The following AATK variants were observed in gnomAD, a reference collection of about 807,000 sequenced individuals.
AATK encodes lemur tail kinase 1, also known as serine/threonine-protein kinase LMTK1.
A neutral mutation model predicts 114.3 loss-of-function variants in AATK; 91 were observed. The ratio of observed to expected loss-of-function variants is 0.80; its 90% confidence interval spans 0.67 to 0.95. The LOEUF (loss-of-function observed/expected upper bound fraction) is 0.95, where lower values mean the gene tolerates loss of function less well. Ranked by LOEUF, AATK falls within the 40% of genes least tolerant of loss-of-function variation. AATK has a pLI of 0.00. For synonymous variants in AATK, 1,075 were observed against 916.5 expected (o/e 1.17, Z -3.12); for missense variants, 2,176 against 1,965.2 (o/e 1.11, Z -2.03).
rs757681156 is a variant in AATK, at chr17:81,119,468, A to AGTGG, written c.3995_3996insCCAC (p.Pro1333HisfsTer23). On this transcript the variant is annotated frameshift_variant, in exon 13 of 14. Transcript: ENST00000326724. LOFTEE classifies it high-confidence loss of function. ...GCGACACCGTGAAGCGCGAGAAGGGAGCGGGCGTGGGCGTGGGCGCAGCCG... is the reference window on the plus strand; with the variant it reads ...GCGACACCGTGAAGCGCGAGAAGGGAGTGGGCGGGCGTGGGCGTGGGCGCAGCCG... 80 of 1,475,628 alleles carry AGTGG rather than the reference A, an allele frequency of 5.4e-5. No homozygotes were observed. The highest frequency in any genetic ancestry group is 3.6e-4 in the Middle Eastern group (2 of 5,514). 91.4% of individuals were successfully genotyped at this position (1,475,628 alleles called of 1,614,324 possible). A position where few individuals can be genotyped will look rare whatever the true frequency, so the allele number is the denominator to read the frequency against.
intron 1 of AATK, among the ~76,000 whole-genome samples, chr17:81,155,097 A>G (rs1177916301): frequency 6.6e-6 from 1 of 152,184 alleles, no homozygotes; most frequent in Non-Finnish European, 1.5e-5. Context: ...GATGTGCATC[A>G]CCACGGCGCT....
chr17:81,161,208 A>C (rs2061426096), intron 1 of AATK, among the ~76,000 whole-genome samples: 1 of 152,090 alleles, frequency 6.6e-6, no homozygotes, highest in Admixed American at 6.5e-5. Context: ...ACAGTGGAGG[A>C]GGAAAGCACG....
intron 9 of AATK, among the ~76,000 whole-genome samples, chr17:81,123,889 T>C (rs2060741417): frequency 6.6e-6 from 1 of 152,126 alleles, no homozygotes; most frequent in Non-Finnish European, 1.5e-5. Context: ...CTTTGGTCCC[T>C]GGCTGTCCCA....
At chr17:81,165,014 C>T (rs1335921514) in intron 1 of AATK, among the ~76,000 whole-genome samples, 4 of 152,228 alleles carry the variant, frequency 2.6e-5, no homozygotes, top group Admixed American at 2.0e-4. Context: ...CAGGAGATCA[C>T]GTCACATGCA....
chr17:81,149,822 C>T (rs1304024299), intron 1 of AATK, among the ~76,000 whole-genome samples: 4 of 152,188 alleles, frequency 2.6e-5, no homozygotes. Context: ...GCAGTCAGCC[C>T]CCATCAGCCC....
At chr17:81,161,529 G>T (rs1446599201) in intron 1 of AATK, among the ~76,000 whole-genome samples, 1 of 152,192 alleles carries the variant, frequency 6.6e-6, no homozygotes, top group Non-Finnish European at 1.5e-5. Flanking sequence ...CCTCCAGGGG[G>T]CACAGGCAGG....
chr17:81,154,921 C>T (rs756518599), intron 1 of AATK, among the ~76,000 whole-genome samples: 4 of 152,214 alleles, frequency 2.6e-5, no homozygotes, highest in African/African-American at 7.2e-5. Flanking sequence ...TGAGCCACTG[C>T]GCTCGGCCCT....
At chr17:81,151,859 G>A (rs1206060876) in intron 1 of AATK, among the ~76,000 whole-genome samples, 2 of 152,098 alleles carry the variant, frequency 1.3e-5, no homozygotes, top group Non-Finnish European at 2.9e-5. Flanking sequence ...CTTCGATTTG[G>A]GTGTCAACTT....
intron 1 of AATK, chr17:81,165,554 C>G (rs754649587): frequency 9.3e-7 from 1 of 1,070,304 alleles, no homozygotes; most frequent in South Asian, 1.3e-5. Flanking sequence ...GGGCCCCGGA[C>G]CCAGGAGAGG....
chr17:81,134,426 G>A lies in AATK; in HGVS notation c.131C>T (p.Ala44Val). The change falls in exon 2 of 14, where the codon GCC becomes GTC. Residue 44 changes from alanine (A) to valine (V), a missense_variant. Coordinates refer to ENST00000326724, the MANE Select transcript of AATK (RefSeq NM_001080395.3). Reference protein sequence around the residue: ...VVAVSFSGLFAVIVLMLACLC... With the variant: ...VVAVSFSGLFVVIVLMLACLC... ...GCAGGCCAGCATGAGGACGATGACG[G>A]CGAAGAGCCCGGAGAAAGACACAGC... 1 of 1,613,292 alleles carries A rather than the reference G, an allele frequency of 6.2e-7. No homozygotes were observed. The highest frequency in any genetic ancestry group is 8.5e-7 in the Non-Finnish European group (1 of 1,179,826).
At chr17:81,162,617 C>T (rs1015630345) in intron 1 of AATK, among the ~76,000 whole-genome samples, 1 of 152,150 alleles carries the variant, frequency 6.6e-6, no homozygotes, top group Non-Finnish European at 1.5e-5. Flanking sequence ...CTCGCTGCCT[C>T]CTCTGCCCTC....
rs1002778751 is a variant in AATK, at chr17:81,160,926, C to T, written c.55+5012G>A. 5.3e-5 allele frequency among the ~76,000 whole-genome samples: 8 copies of T among 152,330 alleles called. No individual in the cohort carries two copies. In the South Asian group the frequency reaches 1.2e-3, roughly 24 times the overall value. On this transcript the variant is annotated intron_variant, in intron 1 of 13. Coordinates refer to ENST00000326724, the MANE Select transcript of AATK (RefSeq NM_001080395.3). ...TGGACCCTCTGCCTCCCCCGTGGAC[C>T]GAGGAGGAGGCAGAGGATGCCACGC...
chr17:81,128,497 C>T lies in AATK; in HGVS notation c.387G>A (p.Lys129=), dbSNP rs946648316. The T allele has an allele frequency of 2.2e-5, 34 of 1,549,286 alleles. No individual in the cohort carries two copies. Among genetic ancestry groups the T allele is most frequent in the Non-Finnish European group, 2.3e-5 (26 of 1,146,920 alleles). Residue 129 remains lysine, a synonymous_variant, in exon 4 of 14, where the codon AAG becomes AAA. Coordinates refer to ENST00000326724, the MANE Select transcript of AATK (RefSeq NM_001080395.3). ...DVGRHSLLYL[K]EIGRGWFGKV... Reference sequence around the variant, plus strand: ...TCCCGAACCAGCCACGGCCGATTTCCTTCAGGTACAGGAGGCTGTGCCGGC... The same window carrying T: ...TCCCGAACCAGCCACGGCCGATTTCTTTCAGGTACAGGAGGCTGTGCCGGC...
chr17:81,133,036 T>A (rs1427099688), intron 2 of AATK: 1 of 314,654 alleles, frequency 3.2e-6, no homozygotes, highest in African/African-American at 2.3e-5. Context: ...GGCCTCGGGA[T>A]CCCCAGGAAG....
rs950702899 is a variant in AATK, at chr17:81,121,310, T to C, written c.2626A>G (p.Ser876Gly). The C allele has an allele frequency of 6.2e-7, 1 of 1,611,392 alleles. No individual in the cohort carries two copies. Among genetic ancestry groups the C allele is most frequent in the Non-Finnish European group, 8.5e-7 (1 of 1,179,706 alleles). The change falls in exon 11 of 14, where the codon AGC becomes GGC. Residue 876 changes from serine to glycine, a missense_variant. By Grantham distance (56) the Ser-to-Gly change is moderately conservative (BLOSUM62 0). Around this residue, in one of 4 missense-constraint regions of AATK, gnomAD observed 1,701 missense variants for 1,394.7 expected, o/e 1.22. Transcript: ENST00000326724. ...GGCCTCCTGGCCTGCAGGCCGTCGCTGGACGTGTCGGTGAAGATGCCTGAG... is the reference window on the plus strand; with the variant it reads ...GGCCTCCTGGCCTGCAGGCCGTCGCCGGACGTGTCGGTGAAGATGCCTGAG... ...ATSGIFTDTS[S>G]DGLQARRPDV...
Position 81,119,306 on chromosome 17 carries a change from G to A in AATK, c.4084+74C>T, listed in dbSNP as rs1003560003. ...GCTGGCCCGGCCCAGGACCTAGACGGAGGGGCCCCACCCTCGGAGCTCCGT... is the reference window on the plus strand; with the variant it reads ...GCTGGCCCGGCCCAGGACCTAGACGAAGGGGCCCCACCCTCGGAGCTCCGT... On this transcript the variant is annotated intron_variant, in intron 13 of 13. Transcript: ENST00000326724. 3.5e-6 allele frequency: 5 copies of A among 1,416,386 alleles called. No homozygotes were observed. The African/African-American group carries it at 6.4e-5, about 18-fold the overall frequency. 87.7% of individuals were successfully genotyped at this position (1,416,386 alleles called of 1,614,324 possible).
In AATK at chr17:81,154,610, C is replaced by T. The variant is rs2061338878; in HGVS notation, c.55+11328G>A. ...CTGGAATTACAGGCGTGAACCACCA[C>T]ACCCAGCCTTTCCTACTATTTTATT... On this transcript the variant is annotated intron_variant, in intron 1 of 13. Transcript: ENST00000326724. Among the ~76,000 whole-genome samples, 2 of 143,340 alleles carry T rather than the reference C, an allele frequency of 1.4e-5. 1 individual carries two copies. Among genetic ancestry groups the T allele is most frequent in the African/African-American group, 5.7e-5 (2 of 35,082 alleles). The allele number at this position is 143,340 out of a possible 152,430, so 94.0% of individuals were successfully genotyped here.
At chr17:81,118,664 G>A (rs566119929) in intron 13 of AATK, among the ~76,000 whole-genome samples, 5 of 152,346 alleles carry the variant, frequency 3.3e-5, no homozygotes, top group South Asian at 4.1e-4. Context: ...CCTGTTTTAC[G>A]CATAAGGAAA....
chr17:81,151,885 G>C (rs985294657), intron 1 of AATK, among the ~76,000 whole-genome samples: 1 of 152,174 alleles, frequency 6.6e-6, no homozygotes, highest in African/African-American at 2.4e-5. Flanking sequence ...TAGAAGAAGT[G>C]AAAACACAGG....
Sources: gnomAD v4.1 joint callset for allele counts (sites outside exome capture counted in the v4.1 genomes callset) on GRCh38, gnomAD v4.1.1 for gene constraint, gnomAD v4.1.1 regional missense constraint, MANE v1.5 for transcripts, NCBI Gene and HGNC (gene_info 2026-07-23, HGNC 2026-07-21) for gene names.